The following PKD1 variants were observed in gnomAD, a reference collection of about 807,000 sequenced individuals.
PKD1 encodes the protein polycystin-1.
PKD1 carries 81 observed loss-of-function variants against 361.7 expected under a neutral mutation model. That is an observed-to-expected ratio of 0.22 (90% confidence interval 0.19 to 0.27). The LOEUF is 0.27. Among genes scored for constraint, PKD1 ranks in the 10% least tolerant of loss-of-function variants. The probability of loss-of-function intolerance (pLI) is 1.00; values close to 1 mark genes in which losing one functional copy is unlikely to be tolerated. For synonymous variants in PKD1, 3,615 were observed against 2,818.3 expected (o/e 1.28, Z -8.95); for missense variants, 6,399 against 6,118.3 (o/e 1.05, Z -1.53).
In PKD1 at chr16:2,107,985, G is replaced by A. The variant is rs756014969; in HGVS notation, c.6963C>T (p.Ser2321=). 6.5e-7 allele frequency: 1 copy of A among 1,548,144 alleles called. No homozygotes were observed. Among genetic ancestry groups the A allele is most frequent in the Middle Eastern group, 2.3e-4 (1 of 4,358 alleles). ...GCCGCTCCCGTGGAATGGTGACCGTGCTGCTCCCGCGGGGCCCAAAGTTCA... is the reference window on the plus strand; with the variant it reads ...GCCGCTCCCGTGGAATGGTGACCGTACTGCTCCCGCGGGGCCCAAAGTTCA... ...CALNFGPRGS[S]TVTIPRERLA... Residue 2321 remains serine (S), a synonymous_variant, in exon 16 of 46, where the codon AGC becomes AGT. Transcript: ENST00000262304.
chr16:2,091,996 A>T (rs917172938), intron 40 of PKD1, 51 bp downstream of exon 40: 2 of 1,612,336 alleles, frequency 1.2e-6, no homozygotes, highest in Admixed American at 3.3e-5. Context: ...ACTCCTGGAG[A>T]ACTACTCCCT....
chr16:2,103,795 G>C lies in PKD1; in HGVS notation c.8262C>G (p.Asn2754Lys), dbSNP rs763066962. The C allele has an allele frequency of 1.2e-6, 2 of 1,609,574 alleles. No homozygotes were observed. The highest frequency in any genetic ancestry group is 2.2e-5 in the South Asian group (2 of 90,912). Residue 2754 changes from asparagine (N) to lysine (K), a missense_variant, in exon 23 of 46, where the codon AAC becomes AAG. Coordinates refer to ENST00000262304, the MANE Select transcript of PKD1 (RefSeq NM_001009944.3). ...GGATGCGCATGAGGGCAGAGGTCAG[G>C]TTGTAGGCCTGGGACGCCACCATCC... ...PSRMVASQAY[N>K]LTSALMRILM...
At position 2,109,522 on chromosome 16, in the gene PKD1, G is replaced by A. The variant is rs772716160; in HGVS notation, c.5645C>T (p.Thr1882Met). ...CAGGCCCACGATGGGCTCCTCCGCCGTGAGGTTGTACGTGGCTGAGACCCA... is the reference window on the plus strand; with the variant it reads ...CAGGCCCACGATGGGCTCCTCCGCCATGAGGTTGTACGTGGCTGAGACCCA... ...VSWVSATYNL[T>M]AEEPIVGLVL... The change falls in exon 15 of 46, where the codon ACG becomes ATG. Residue 1882 changes from threonine (T) to methionine (M), a missense_variant. By Grantham distance (81) the Thr-to-Met change is moderately conservative. Coordinates refer to ENST00000262304, the MANE Select transcript of PKD1 (RefSeq NM_001009944.3). 4.9e-5 allele frequency: 79 copies of A among 1,610,650 alleles called. 1 individual carries two copies. The highest frequency in any genetic ancestry group is 2.5e-4 in the East Asian group (11 of 44,840).
rs573480065 is a variant in PKD1 at position 2,107,767 on chromosome 16, A to G, written c.7065+116T>C. 79 of 973,584 alleles carry G rather than the reference A, an allele frequency of 8.1e-5. 1 individual carries two copies. In the Middle Eastern group the frequency reaches 2.8e-3, roughly 34 times the overall value. 60.3% of individuals were successfully genotyped at this position (973,584 alleles called of 1,614,324 possible). A position where few individuals can be genotyped will look rare whatever the true frequency, so the allele number is the denominator to read the frequency against. Reference sequence around the variant, plus strand: ...TGTCGTGTTACATAGAATTTGCATCAGAAACAGAGAGGGGAGAGCGTGCGG... The same window carrying G: ...TGTCGTGTTACATAGAATTTGCATCGGAAACAGAGAGGGGAGAGCGTGCGG... On this transcript the variant is annotated intron_variant, in intron 16 of 45. Transcript: ENST00000262304.
intron 30 of PKD1, among the ~76,000 whole-genome samples, chr16:2,098,354 G>A (rs1413605026): frequency 6.6e-6 from 1 of 152,046 alleles, no homozygotes; most frequent in African/African-American, 2.4e-5. Flanking sequence ...GATTACAGGT[G>A]CCTGCCACCA....
chr16:2,088,900 G>C lies in PKD1; in HGVS notation c.*827C>G, dbSNP rs956161943. 24 of 364,974 alleles carry C rather than the reference G, an allele frequency of 6.6e-5. No homozygotes were observed. The highest frequency in any genetic ancestry group is 8.2e-4 in the Middle Eastern group (1 of 1,226). The allele number at this position is 364,974 out of a possible 1,614,324, so 22.6% of individuals were successfully genotyped here. On this transcript the variant is annotated 3_prime_UTR_variant, in exon 46 of 46. Coordinates refer to ENST00000262304, the MANE Select transcript of PKD1 (RefSeq NM_001009944.3). Reference sequence around the variant, plus strand: ...GCGCGCGCACACACACACACACACAGTCACCTTCCTCCACCCTGGGAGCCA... The same window carrying C: ...GCGCGCGCACACACACACACACACACTCACCTTCCTCCACCCTGGGAGCCA...
At chr16:2,115,007 G>C in intron 10 of PKD1, 82 bp from the exon 11 acceptor site, 1 of 1,514,688 alleles carries the variant, frequency 6.6e-7, no homozygotes, top group Non-Finnish European at 8.8e-7. Flanking sequence ...GGGTGGACAC[G>C]CAGGGCTCCC....
rs1596582784 is a variant in PKD1 at position 2,116,080 on chromosome 16, G to C, written c.1761C>G (p.Ala587=). ...TCCCAAATTCGGCCGTGGTGAGGAAGGCTTCACGGCTCAGACGCAGGCCCG... is the reference window on the plus strand; with the variant it reads ...TCCCAAATTCGGCCGTGGTGAGGAACGCTTCACGGCTCAGACGCAGGCCCG... The part of the protein sequence containing the change: ...VFPGLRLSRE[A]FLTTAEFGTQ... Residue 587 remains alanine, a synonymous_variant, in exon 9 of 46, where the codon GCC becomes GCG. Transcript: ENST00000262304. 3.9e-6 allele frequency: 6 copies of C among 1,531,168 alleles called. No individual in the cohort carries two copies. The East Asian group carries it at 1.4e-4, about 36-fold the overall frequency. The allele number at this position is 1,531,168 out of a possible 1,614,324, so 94.8% of individuals were successfully genotyped here. A position where few individuals can be genotyped will look rare whatever the true frequency, so the allele number is the denominator to read the frequency against.
Position 2,107,969 on chromosome 16 carries a change from G to A in PKD1, c.6979C>T (p.Arg2327Trp), listed in dbSNP as rs184394342. ...TCCACGCCAGCCGCCAGCCGCTCCC[G>A]TGGAATGGTGACCGTGCTGCTCCCG... ...PRGSSTVTIP[R>W]ERLAAGVEYT... The change falls in exon 16 of 46, where the codon CGG (arginine) becomes TGG (tryptophan). Residue 2327 changes from arginine (R) to tryptophan (W), a missense_variant. Physicochemically the swap from Arg to Trp is moderately radical, Grantham distance 101. Transcript: ENST00000262304. 2.3e-4 allele frequency: 363 copies of A among 1,548,454 alleles called. 2 individuals are homozygous for A. The East Asian group carries it at 3.3e-3, about 14-fold the overall frequency.
rs4018173 is a variant in PKD1 at position 2,114,290 on chromosome 16, C to A, written c.2733G>T (p.Val911=). ...CCCGGCTGGCGCTGTTTTCCACCAC[C>A]ACGTCCACCACGTGCTCCCCCTCAC... ...WLSEGEHVVD[V]VVENSASRAN... Residue 911 remains valine, a synonymous_variant, in exon 11 of 46, where the codon GTG becomes GTT. Coordinates refer to ENST00000262304, the MANE Select transcript of PKD1 (RefSeq NM_001009944.3). 6.2e-7 allele frequency: 1 copy of A among 1,610,362 alleles called. No individual in the cohort carries two copies. The highest frequency in any genetic ancestry group is 8.5e-7 in the Non-Finnish European group (1 of 1,179,680).
intron 1 of PKD1, among the ~76,000 whole-genome samples, chr16:2,122,123 T>G (rs1250957645): frequency 6.6e-6 from 1 of 152,212 alleles, no homozygotes; most frequent in Non-Finnish European, 1.5e-5. Flanking sequence ...CCACCCCAGC[T>G]GAGGGGACAG....
Position 2,091,594 on chromosome 16 carries a change from G to A in PKD1, c.11541C>T (p.Ser3847=), listed in dbSNP as rs775782348. 28 of 1,557,540 alleles carry A rather than the reference G, an allele frequency of 1.8e-5. No individual in the cohort carries two copies. The East Asian group carries it at 3.0e-4, about 17-fold the overall frequency. The part of the protein sequence containing the change: ...LQLHNWLDNR[S]RAVFLELTRY... ...GCGTGAGCTCCAGGAACACAGCGCG[G>A]CTCCTGCGCAGAGGGTGCGGGTCAG... The change falls in exon 42 of 46, where the codon AGC becomes AGT. Residue 3847 remains serine, a synonymous_variant. Coordinates refer to ENST00000262304, the MANE Select transcript of PKD1 (RefSeq NM_001009944.3).
At chr16:2,133,323 GTCC>G (rs2092911780) in intron 1 of PKD1, 2 of 148,666 alleles carry the variant, frequency 1.3e-5, no homozygotes, top group East Asian at 3.9e-4. Flanking sequence ...AGCCCCGGCT[GTCC>G]TCCACCTGGA....
rs368271159 is a variant in PKD1 at position 2,113,391 on chromosome 16, C to T, written c.2854-99G>A. 9.8e-5 allele frequency: 116 copies of T among 1,188,746 alleles called. No homozygotes were observed. In the African/African-American group the frequency reaches 1.2e-3, roughly 13 times the overall value. The allele number at this position is 1,188,746 out of a possible 1,614,324, so 73.6% of individuals were successfully genotyped here. A position where few individuals can be genotyped will look rare whatever the true frequency, so the allele number is the denominator to read the frequency against. ...TCCCGTCGGGCTGGAGAGTCCCACGCGGGGCACAGAGGAGAGGAGGTGCCC... is the reference window on the plus strand; with the variant it reads ...TCCCGTCGGGCTGGAGAGTCCCACGTGGGGCACAGAGGAGAGGAGGTGCCC... On this transcript the variant is annotated intron_variant, in intron 11 of 45. Transcript: ENST00000262304.
intron 22 of PKD1, among the ~76,000 whole-genome samples, chr16:2,104,267 C>A (rs1164361289): frequency 9.2e-5 from 3 of 32,720 alleles, no homozygotes; most frequent in Non-Finnish European, 1.1e-4. Flanking sequence ...ACGGGGAGGA[C>A]GGGGGGGGAA....
rs1044559724 is a variant in PKD1 at position 2,088,992 on chromosome 16, G to A, written c.*735C>T. On this transcript the variant is annotated 3_prime_UTR_variant, in exon 46 of 46. Transcript: ENST00000262304. ...TCTGACATGCCTAGTCCTGCTACTT[G>A]CCCAGACCTGATGCCAGCAGGCCTG... 2 of 266,640 alleles carry A rather than the reference G, an allele frequency of 7.5e-6. No individual in the cohort carries two copies. Among genetic ancestry groups the A allele is most frequent in the South Asian group, 4.5e-5 (1 of 21,990 alleles). The allele number at this position is 266,640 out of a possible 1,614,324, so 16.5% of individuals were successfully genotyped here. A position where few individuals can be genotyped will look rare whatever the true frequency, so the allele number is the denominator to read the frequency against.
intron 16 of PKD1, chr16:2,107,379 C>T (rs1012871184): frequency 3.3e-5 from 12 of 365,470 alleles, no homozygotes; most frequent in Admixed American, 1.6e-4. Flanking sequence ...TCCCCTCAGA[C>T]GACCCCTCTG....
intron 30 of PKD1, chr16:2,098,930 A>G (rs1247002667): frequency 6.6e-6 from 1 of 151,140 alleles, no homozygotes; most frequent in East Asian, 2.0e-4. Flanking sequence ...TCCTGGGTTC[A>G]TGCCATTCTC....
At chr16:2,105,741 G>C (rs2092315390) in intron 20 of PKD1, 124 bp downstream of exon 20, 3 of 1,311,628 alleles carry the variant, frequency 2.3e-6, no homozygotes, top group Admixed American at 1.9e-5. Context: ...TGCTGCTTCA[G>C]GGTCACTGGG....
Sources: gnomAD v4.1 joint callset for allele counts (sites outside exome capture counted in the v4.1 genomes callset) on GRCh38, gnomAD v4.1.1 for gene constraint, MANE v1.5 for transcripts, NCBI Gene and HGNC (gene_info 2026-07-23, HGNC 2026-07-21) for gene names.